TTLL1: variants seen among roughly 807,000 people sequenced by gnomAD.
TTLL1 encodes polyglutamylase complex subunit TTLL1.
In TTLL1, 33 loss-of-function variants were observed where a neutral mutation model predicts 47.8. That is an observed-to-expected ratio of 0.69 (90% CI 0.52 to 0.92). The LOEUF (loss-of-function observed/expected upper bound fraction) is 0.92, where lower values mean the gene tolerates loss of function less well. TTLL1 is among the 40% of genes least tolerant of loss of function. TTLL1 has a pLI of 0.00. For missense variants in TTLL1, 488 were observed against 547.5 expected (o/e 0.89, Z 1.08); for synonymous variants, 225 against 214.1 (o/e 1.05, Z -0.45).
chr22:43,068,165 A>G (rs556224812), intron 5 of TTLL1, among the ~76,000 whole-genome samples: 1 of 151,540 alleles, frequency 6.6e-6, no homozygotes, highest in African/African-American at 2.4e-5. Flanking sequence ...AAAAATACAA[A>G]AATTAGCTGG....
rs374313653 is a variant in TTLL1 at position 43,088,734 on chromosome 22, A to AG, written c.-90+542dup. ...AAGAACCTGCTTTGCAAATGCCAAA[A>AG]GGGCTAACAATGATAAGATACTTTC... On this transcript the variant is annotated intron_variant, in intron 1 of 10. Coordinates refer to ENST00000266254, the MANE Select transcript of TTLL1 (RefSeq NM_012263.5). Among the ~76,000 whole-genome samples the AG allele has an allele frequency of 3.1e-3, 468 of 152,282 alleles. 4 individuals are homozygous for AG. The highest frequency in any genetic ancestry group is 0.011 in the African/African-American group (456 of 41,566).
At chr22:43,066,265 G>GT (rs1309461912) in intron 5 of TTLL1, among the ~76,000 whole-genome samples, 1 of 152,038 alleles carries the variant, frequency 6.6e-6, no homozygotes, top group African/African-American at 2.4e-5. Context: ...GCCTCTCACT[G>GT]TGAGGGGCTG....
intron 8 of TTLL1, among the ~76,000 whole-genome samples, chr22:43,057,440 GCT>G: frequency 6.6e-6 from 1 of 152,310 alleles, no homozygotes; most frequent in East Asian, 1.9e-4. Flanking sequence ...GTGGAGGGAA[GCT>G]CTTTCTCACA....
At position 43,075,511 on chromosome 22, in the gene TTLL1, C is replaced by T; in HGVS notation, c.76G>A (p.Val26Ile). ...LINNFEKRGW[V>I]QVTENEDWNF... ...CAGTCCTCGTTTTCTGTCACTTGGA[C>T]CCATCCTCTCTTTTCAAAGTTATTG... The change falls in exon 3 of 11, where the codon GTC becomes ATC. Residue 26 changes from valine to isoleucine, a missense_variant. By Grantham distance (29) the Val-to-Ile change is conservative (BLOSUM62 3). Coordinates refer to ENST00000266254, the MANE Select transcript of TTLL1 (RefSeq NM_012263.5). 1 of 1,614,150 alleles carries T rather than the reference C, an allele frequency of 6.2e-7. No homozygotes were observed. Among genetic ancestry groups the T allele is most frequent in the Non-Finnish European group, 8.5e-7 (1 of 1,180,034 alleles).
chr22:43,063,971 A>C, intron 6 of TTLL1, 50 bp from the exon 7 acceptor site: 1 of 1,574,922 alleles, frequency 6.3e-7, no homozygotes, highest in Non-Finnish European at 8.7e-7. Context: ...ACAAAAAGAA[A>C]AGACACCACT....
intron 3 of TTLL1, among the ~76,000 whole-genome samples, chr22:43,074,806 G>A (rs1431381454): frequency 4.6e-5 from 7 of 152,120 alleles, no homozygotes; most frequent in African/African-American, 1.7e-4. Flanking sequence ...TTGGGAGGCC[G>A]AGATGGGAAG....
chr22:43,067,282 A>G (rs1397721068), intron 5 of TTLL1, among the ~76,000 whole-genome samples: 2 of 152,202 alleles, frequency 1.3e-5, no homozygotes, highest in Admixed American at 6.5e-5. Flanking sequence ...AACTCGTTCC[A>G]TCCCCATCAC....
intron 10 of TTLL1, 56 bp downstream of exon 10, chr22:43,046,354 G>A: frequency 6.3e-7 from 1 of 1,597,358 alleles, no homozygotes; most frequent in South Asian, 1.1e-5. Flanking sequence ...GCTGGGCTAT[G>A]GCACACGCCA....
chr22:43,044,485 C>T (rs1050073426), intron 10 of TTLL1, among the ~76,000 whole-genome samples: 2 of 152,152 alleles, frequency 1.3e-5, no homozygotes, highest in African/African-American at 2.4e-5. Context: ...ACAAGCCTGA[C>T]GTCTCTGTGT....
At chr22:43,068,311 T>C in intron 5 of TTLL1, 99 bp downstream of exon 5, 1 of 1,108,732 alleles carries the variant, frequency 9.0e-7, no homozygotes. Flanking sequence ...AGTGAGACTC[T>C]GTCAAAAAAA....
intron 1 of TTLL1, among the ~76,000 whole-genome samples, chr22:43,082,839 C>T (rs1278835292): frequency 3.4e-5 from 5 of 147,746 alleles, no homozygotes. Context: ...CATGGCGAAA[C>T]CCCGTCTCTA....
chr22:43,044,250 C>CAT lies in TTLL1; in HGVS notation c.1142+2159_1142+2160insAT, dbSNP rs1006491239. Among the ~76,000 whole-genome samples the CAT allele has an allele frequency of 4.0e-5, 6 of 151,530 alleles. 2 individuals are homozygous for CAT. The highest frequency in any genetic ancestry group is 2.4e-5 in the African/African-American group (1 of 41,260). ...CATGGAGGGAGAGAACAACCAACCA[C>CAT]ACACTGACTGGTCACCCCTGAAGTT... On this transcript the variant is annotated intron_variant, in intron 10 of 10. Transcript: ENST00000266254.
chr22:43,039,951 G>GCTT, intron 10 of TTLL1, 46 bp from the exon 11 acceptor site: 1 of 1,593,396 alleles, frequency 6.3e-7, no homozygotes, highest in Non-Finnish European at 8.6e-7. Context: ...TCTTTCAAAG[G>GCTT]CAACAGGCAG....
chr22:43,052,548 T>C (rs1406966412), intron 8 of TTLL1, among the ~76,000 whole-genome samples: 1 of 151,744 alleles, frequency 6.6e-6, no homozygotes, highest in African/African-American at 2.4e-5. Flanking sequence ...GAGACCAGCC[T>C]GAGCAACACA....
intron 5 of TTLL1, among the ~76,000 whole-genome samples, chr22:43,067,138 G>GA (rs1215169080): frequency 1.3e-5 from 2 of 152,204 alleles, no homozygotes; most frequent in Non-Finnish European, 2.9e-5. Context: ...GAGCAGCTGA[G>GA]AAAAAACAAA....
chr22:43,054,172 A>C lies in TTLL1; in HGVS notation c.892-2285T>G, dbSNP rs182475657. 4.7e-4 allele frequency among the ~76,000 whole-genome samples: 72 copies of C among 152,088 alleles called. No homozygotes were observed. In the Middle Eastern group the frequency reaches 0.01, roughly 22 times the overall value. On this transcript the variant is annotated intron_variant, in intron 8 of 10. Transcript: ENST00000266254. Reference sequence around the variant, plus strand: ...GCATGGAATCAGATCTGAACTCCACACTCGTTACCTGCCACCCAAGCTGCA... The same window carrying C: ...GCATGGAATCAGATCTGAACTCCACCCTCGTTACCTGCCACCCAAGCTGCA...
intron 9 of TTLL1, among the ~76,000 whole-genome samples, chr22:43,050,446 A>G (rs140912544): frequency 2.0e-5 from 3 of 151,170 alleles, no homozygotes; most frequent in South Asian, 4.2e-4. Flanking sequence ...AAGAAAAGTA[A>G]TGTTCACAAT....
intron 8 of TTLL1, 44 bp from the exon 9 acceptor site, chr22:43,051,931 G>T: frequency 1.3e-6 from 2 of 1,595,438 alleles, no homozygotes; most frequent in Non-Finnish European, 8.6e-7. Flanking sequence ...AGCATCGAAG[G>T]GCGCAGCCGA....
chr22:43,067,581 T>A (rs917572309), intron 5 of TTLL1, among the ~76,000 whole-genome samples: 6 of 152,136 alleles, frequency 3.9e-5, no homozygotes, highest in African/African-American at 1.2e-4. Context: ...CTGGGACTAA[T>A]CACACGAAGA....
Sources: gnomAD v4.1 joint callset for allele counts (sites outside exome capture counted in the v4.1 genomes callset) on GRCh38, gnomAD v4.1.1 for gene constraint, MANE v1.5 for transcripts, NCBI Gene and HGNC (gene_info 2026-07-23, HGNC 2026-07-21) for gene names.